The following PKNOX2 variants were observed in gnomAD, a reference collection of about 807,000 sequenced individuals.
PKNOX2 encodes the protein homeobox protein PKNOX2.
A neutral mutation model predicts 53.1 loss-of-function variants in PKNOX2; 14 were observed. That is an observed-to-expected ratio of 0.26 (90% CI 0.17 to 0.41). The LOEUF (loss-of-function observed/expected upper bound fraction) is 0.41, where lower values mean the gene tolerates loss of function less well. Ranked by LOEUF, PKNOX2 falls within the 10% of genes least tolerant of loss-of-function variation. PKNOX2 has a pLI of 1.00. For missense variants in PKNOX2, 496 were observed against 602.8 expected (o/e 0.82, Z 1.85); for synonymous variants, 257 against 242.8 (o/e 1.06, Z -0.54).
intron 5 of PKNOX2, among the ~76,000 whole-genome samples, chr11:125,375,658 G>T (rs1952791652): frequency 1.3e-5 from 2 of 152,196 alleles, no homozygotes; most frequent in East Asian, 1.9e-4. Flanking sequence ...CTGAGTGTGT[G>T]TGGGTGTGTG....
intron 2 of PKNOX2, among the ~76,000 whole-genome samples, chr11:125,256,308 T>TAAAAAGGGCTTCAGGG (rs1446037713): frequency 1.3e-5 from 2 of 151,696 alleles, no homozygotes; most frequent in African/African-American, 4.8e-5. Context: ...CAAGCAGAGA[T>TAAAAAGGGCTTCAGGG]AAAAAGGGCT....
chr11:125,302,344 C>A (rs1948135860), intron 2 of PKNOX2, among the ~76,000 whole-genome samples: 1 of 152,246 alleles, frequency 6.6e-6, no homozygotes, highest in African/African-American at 2.4e-5. Flanking sequence ...ATCTGACCAG[C>A]CCCTGACAAT....
chr11:125,182,403 A>G (rs1250740756), intron 1 of PKNOX2, among the ~76,000 whole-genome samples: 1 of 152,188 alleles, frequency 6.6e-6, no homozygotes. Flanking sequence ...TGAAAGGTAA[A>G]GGGCTTTGGC....
At chr11:125,401,432 C>T (rs974752375) in intron 7 of PKNOX2, among the ~76,000 whole-genome samples, 1 of 152,142 alleles carries the variant, frequency 6.6e-6, no homozygotes, top group African/African-American at 2.4e-5. Context: ...CAAACTTGCC[C>T]CTGCATTTTC....
At chr11:125,288,949 C>A (rs906109912) in intron 2 of PKNOX2, among the ~76,000 whole-genome samples, 8 of 151,944 alleles carry the variant, frequency 5.3e-5, no homozygotes, top group Admixed American at 2.6e-4. Context: ...TAGATTCTGT[C>A]TCCATGGTAA....
intron 2 of PKNOX2, among the ~76,000 whole-genome samples, chr11:125,268,030 A>G (rs1945494171): frequency 6.6e-6 from 1 of 152,224 alleles, no homozygotes; most frequent in Non-Finnish European, 1.5e-5. Context: ...TGGGGCTTTG[A>G]GAAAACTTTG....
At position 125,165,092 on chromosome 11, in the gene PKNOX2, G is replaced by C. The variant is rs1246995983; in HGVS notation, c.-201+316G>C. Among the ~76,000 whole-genome samples the C allele has an allele frequency of 6.7e-6, 1 of 149,376 alleles. No homozygotes were observed. Among genetic ancestry groups the C allele is most frequent in the African/African-American group, 2.4e-5 (1 of 41,100 alleles). ...GCGAGGGGCGGCGAGGCCGGGCACGGAGGCTGCGAGAGCCCCGCGGGCCGC... is the reference window on the plus strand; with the variant it reads ...GCGAGGGGCGGCGAGGCCGGGCACGCAGGCTGCGAGAGCCCCGCGGGCCGC... On this transcript the variant is annotated intron_variant, in intron 1 of 12. Coordinates refer to ENST00000298282, the MANE Select transcript of PKNOX2 (RefSeq NM_001382323.2). This position sits in a 1 kb window ranked among gnomAD's most constrained non-coding sequence, Gnocchi z 4.5.
chr11:125,373,624 G>C (rs950576252), intron 5 of PKNOX2, among the ~76,000 whole-genome samples: 8 of 152,236 alleles, frequency 5.3e-5, no homozygotes, highest in African/African-American at 1.4e-4. Flanking sequence ...TGTGAGCCAG[G>C]AGGTAAATGC....
At position 125,432,858 on chromosome 11, in the gene PKNOX2, C is replaced by T. The variant is rs1022502431; in HGVS notation, c.*1466C>T. 6.6e-6 allele frequency: 1 copy of T among 152,548 alleles called. No homozygotes were observed. Among genetic ancestry groups the T allele is most frequent in the East Asian group, 1.9e-4 (1 of 5,176 alleles). The allele number at this position is 152,548 out of a possible 1,614,324, so 9.4% of individuals were successfully genotyped here. Reference sequence around the variant, plus strand: ...TCCTTCAGTGGCAGGATGTGAGTGGCTACCTGGCTCAACTGGAGGGGACCC... The same window carrying T: ...TCCTTCAGTGGCAGGATGTGAGTGGTTACCTGGCTCAACTGGAGGGGACCC... On this transcript the variant is annotated 3_prime_UTR_variant, in exon 13 of 13. Coordinates refer to ENST00000298282, the MANE Select transcript of PKNOX2 (RefSeq NM_001382323.2).
At chr11:125,174,420 T>A (rs891673834) in intron 1 of PKNOX2, among the ~76,000 whole-genome samples, 2 of 152,208 alleles carry the variant, frequency 1.3e-5, no homozygotes, top group African/African-American at 4.8e-5. Flanking sequence ...CCTTGACTCA[T>A]CTCTTAACTT....
intron 2 of PKNOX2, among the ~76,000 whole-genome samples, chr11:125,304,442 A>G (rs1591520251): frequency 6.6e-6 from 1 of 152,196 alleles, no homozygotes; most frequent in Non-Finnish European, 1.5e-5. Context: ...AGCGTGTGGC[A>G]GCCTGAGAAG....
At chr11:125,406,884 G>A (rs890505722) in intron 7 of PKNOX2, among the ~76,000 whole-genome samples, 31 of 147,024 alleles carry the variant, frequency 2.1e-4, no homozygotes, top group Non-Finnish European at 3.9e-4. Context: ...GATGGGTGAG[G>A]GTCTTGACCC....
intron 1 of PKNOX2, 150 bp from the exon 2 acceptor site, chr11:125,234,895 C>T (rs2135567512): frequency 6.5e-6 from 1 of 152,676 alleles, no homozygotes; most frequent in Admixed American, 6.5e-5. Context: ...TGCTAGGAAG[C>T]TTTCTCACTC....
chr11:125,419,938 C>T (rs1027681521), intron 10 of PKNOX2, among the ~76,000 whole-genome samples: 1 of 150,332 alleles, frequency 6.7e-6, no homozygotes, highest in Non-Finnish European at 1.5e-5. Context: ...ATCATGCCAG[C>T]ACTTTGGGAG....
At chr11:125,276,103 T>G (rs1251596046) in intron 2 of PKNOX2, among the ~76,000 whole-genome samples, 1 of 152,202 alleles carries the variant, frequency 6.6e-6, no homozygotes, top group African/African-American at 2.4e-5. Context: ...GCAATTGACC[T>G]GCTGTGCCAA....
chr11:125,386,505 ATCT>A (rs1457996037), intron 6 of PKNOX2, among the ~76,000 whole-genome samples: 3 of 152,160 alleles, frequency 2.0e-5, no homozygotes, highest in Admixed American at 2.0e-4. Context: ...CTAACTAGTC[ATCT>A]TGGAATTATT....
At chr11:125,361,981 G>A (rs559338840) in intron 4 of PKNOX2, among the ~76,000 whole-genome samples, 3 of 152,334 alleles carry the variant, frequency 2.0e-5, no homozygotes, top group Admixed American at 6.5e-5. Flanking sequence ...CTTCCCACAT[G>A]GGTTCCACAT....
chr11:125,210,449 T>C (rs1939696493), intron 1 of PKNOX2, among the ~76,000 whole-genome samples: 1 of 152,116 alleles, frequency 6.6e-6, no homozygotes, highest in East Asian at 1.9e-4. Flanking sequence ...CCCTCTGCTG[T>C]GGGCACAAAT....
intron 2 of PKNOX2, among the ~76,000 whole-genome samples, chr11:125,263,140 G>A (rs1211883314): frequency 6.6e-6 from 1 of 152,156 alleles, no homozygotes; most frequent in Non-Finnish European, 1.5e-5. Context: ...TGTGACTGGG[G>A]ACCAATTCCT....
Sources: gnomAD v4.1 joint callset for allele counts (sites outside exome capture counted in the v4.1 genomes callset) on GRCh38, gnomAD v4.1.1 for gene constraint, Gnocchi (gnomAD v3.1) non-coding constraint, MANE v1.5 for transcripts, NCBI Gene and HGNC (gene_info 2026-07-23, HGNC 2026-07-21) for gene names.